KAZN: variants seen among roughly 807,000 people sequenced by gnomAD.
KAZN encodes the protein kazrin, periplakin interacting protein.
A neutral mutation model predicts 87.4 loss-of-function variants in KAZN; 40 were observed. That is an observed-to-expected ratio of 0.46 (90% CI 0.36 to 0.60). The LOEUF (loss-of-function observed/expected upper bound fraction) is 0.60, where lower values mean the gene tolerates loss of function less well. Ranked by LOEUF, KAZN falls within the 20% of genes least tolerant of loss-of-function variation. The pLI, the probability that KAZN is intolerant of heterozygous loss-of-function variation, is 0.00. For synonymous variants in KAZN, 466 were observed against 458.3 expected (o/e 1.02, Z -0.22); for missense variants, 898 against 1,073.9 (o/e 0.84, Z 2.29).
chr1:14,607,139 T>C (rs1239197102), intron 1 of KAZN, among the ~76,000 whole-genome samples: 1 of 152,230 alleles, frequency 6.6e-6, no homozygotes, highest in Non-Finnish European at 1.5e-5. Flanking sequence ...TTTGGTCTAC[T>C]TTATACATGG....
At chr1:14,595,676 GTC>G (rs1676454179), upstream of KAZN, among the ~76,000 whole-genome samples, 1 of 110,402 alleles carries the variant, frequency 9.1e-6, no homozygotes, top group African/African-American at 4.7e-5. Context: ...GCAAGACTGC[GTC>G]TCAAAAAAAA....
chr1:14,054,330 C>G (rs4662097), intron 1 of KAZN, among the ~76,000 whole-genome samples: 139,161 of 152,232 alleles, frequency 0.91, 63,708 homozygotes, highest in Admixed American at 0.95. Context: ...GTCCCTAAAA[C>G]TATCTTGGGC....
At chr1:14,050,179 CACATGTGTGTACACATAT>C (rs1642264320) in intron 1 of KAZN, among the ~76,000 whole-genome samples, 2 of 148,764 alleles carry the variant, frequency 1.3e-5, no homozygotes, top group African/African-American at 2.5e-5. Flanking sequence ...GGTGTGTGCG[CACATGTGTGTACACATAT>C]GTGCACATGT....
intron 1 of KAZN, among the ~76,000 whole-genome samples, chr1:14,020,866 C>A (rs1640792619): frequency 6.6e-6 from 1 of 152,124 alleles, no homozygotes; most frequent in African/African-American, 2.4e-5. Context: ...CTGATGGTAG[C>A]CAGCATTTGT....
intron 1 of KAZN, among the ~76,000 whole-genome samples, chr1:14,777,407 A>G (rs986880011): frequency 3.9e-5 from 6 of 152,176 alleles, no homozygotes; most frequent in African/African-American, 1.4e-4. Context: ...AGCTGACCCC[A>G]GTGCCCTTGC....
At chr1:14,296,096 G>C (rs1654092840) in intron 2 of KAZN, among the ~76,000 whole-genome samples, 1 of 152,182 alleles carries the variant, frequency 6.6e-6, no homozygotes, top group African/African-American at 2.4e-5. Flanking sequence ...GGACAGCACT[G>C]AAAGTAGTGC....
chr1:14,780,949 G>A (rs1645315671), intron 1 of KAZN, among the ~76,000 whole-genome samples: 1 of 152,230 alleles, frequency 6.6e-6, no homozygotes, highest in African/African-American at 2.4e-5. Context: ...TTCTGCACTT[G>A]CAGCTGGAGT....
intron 2 of KAZN, among the ~76,000 whole-genome samples, chr1:14,271,354 C>T (rs1651911259): frequency 2.0e-5 from 3 of 152,214 alleles, no homozygotes; most frequent in Non-Finnish European, 4.4e-5. Flanking sequence ...GCATATCAGT[C>T]GCTTATACAC....
chr1:14,861,851 C>G (rs1650889484), intron 1 of KAZN, among the ~76,000 whole-genome samples: 1 of 152,142 alleles, frequency 6.6e-6, no homozygotes. Context: ...CACTTTGCGA[C>G]CAGGCGGAGA....
rs1201973877 is a variant in KAZN at position 15,114,694 on chromosome 1, T to C, written c.*59T>C. 3.1e-5 allele frequency: 47 copies of C among 1,511,170 alleles called. No homozygotes were observed. The highest frequency in any genetic ancestry group is 4.1e-5 in the Non-Finnish European group (46 of 1,119,416). The allele number at this position is 1,511,170 out of a possible 1,614,324, so 93.6% of individuals were successfully genotyped here. On this transcript the variant is annotated 3_prime_UTR_variant, in exon 15 of 15. Transcript: ENST00000376030. The stretch of plus-strand genomic sequence containing the variant: ...GACCCAGGAAGGAAGAGAAGCCAGA[T>C]GGCCCCAGGTGTCGTTCTCACTGTA...
intron 2 of KAZN, among the ~76,000 whole-genome samples, chr1:14,257,918 A>G (rs1306377341): frequency 7.3e-6 from 1 of 137,842 alleles, no homozygotes; most frequent in Non-Finnish European, 1.5e-5. Context: ...CAATGTGCAC[A>G]TGTACCCTAA....
intron 1 of KAZN, among the ~76,000 whole-genome samples, chr1:14,934,689 G>A (rs937826068): frequency 7.9e-5 from 12 of 152,376 alleles, no homozygotes; most frequent in African/African-American, 2.9e-4. Context: ...GGGTTCCCCA[G>A]CACTGGAGGC....
chr1:14,942,992 CGTGTGTGTGTGTGTGGT>C (rs1661269325), intron 1 of KAZN, among the ~76,000 whole-genome samples: 1 of 117,646 alleles, frequency 8.5e-6, no homozygotes, highest in Admixed American at 8.8e-5. Flanking sequence ...ATGTGAGCTG[CGTGTGTGTGTGTGTGGT>C]GTGTGTGTGT....
At chr1:14,580,625 G>A (rs1490128990) in intron 2 of KAZN, among the ~76,000 whole-genome samples, 1 of 152,210 alleles carries the variant, frequency 6.6e-6, no homozygotes, top group Non-Finnish European at 1.5e-5. Flanking sequence ...GACAAGTTGT[G>A]TGGTGGGTGA....
chr1:14,624,377 G>A (rs1308665906), intron 1 of KAZN, among the ~76,000 whole-genome samples: 4 of 151,108 alleles, frequency 2.6e-5, no homozygotes, highest in Admixed American at 1.3e-4. Flanking sequence ...AGCCAAGATC[G>A]CGCCACTGCA....
At chr1:14,610,972 T>C (rs1248393383) in intron 1 of KAZN, among the ~76,000 whole-genome samples, 1 of 152,218 alleles carries the variant, frequency 6.6e-6, no homozygotes, top group Non-Finnish European at 1.5e-5. Flanking sequence ...GTGGTCACTT[T>C]CGCTGTGGCT....
intron 2 of KAZN, among the ~76,000 whole-genome samples, chr1:15,024,787 G>A (rs17413451): frequency 0.12 from 17,685 of 152,190 alleles, 1,162 homozygotes; most frequent in Non-Finnish European, 0.14. Flanking sequence ...AGAAACTTTG[G>A]TCCACTTGAG....
intron 1 of KAZN, among the ~76,000 whole-genome samples, chr1:14,714,464 G>A (rs538929303): frequency 6.6e-6 from 1 of 152,294 alleles, no homozygotes; most frequent in South Asian, 2.1e-4. Context: ...GTCTACCCTG[G>A]AACCTCTAGG....
At chr1:14,557,514 A>G (rs964905133) in intron 2 of KAZN, among the ~76,000 whole-genome samples, 1 of 151,934 alleles carries the variant, frequency 6.6e-6, no homozygotes, top group Non-Finnish European at 1.5e-5. Context: ...ATAAATAAAC[A>G]AATAATCGAT....
Sources: gnomAD v4.1 joint callset for allele counts (sites outside exome capture counted in the v4.1 genomes callset) on GRCh38, gnomAD v4.1.1 for gene constraint, MANE v1.5 for transcripts, NCBI Gene and HGNC (gene_info 2026-07-23, HGNC 2026-07-21) for gene names.